Variants in CNP observed in about 807,000 individuals in gnomAD.
The protein encoded by CNP is 2',3'-cyclic-nucleotide 3'-phosphodiesterase.
A neutral mutation model predicts 37.9 loss-of-function variants in CNP; 8 were observed. That is an observed-to-expected ratio of 0.21 (90% confidence interval 0.12 to 0.38). CNP has a LOEUF of 0.38. CNP is among the 10% of genes least tolerant of loss of function. The probability of loss-of-function intolerance (pLI) is 1.00; values close to 1 mark genes in which losing one functional copy is unlikely to be tolerated. For missense variants in CNP, 457 were observed against 551.0 expected, an observed-to-expected ratio of 0.83 and a Z score of 1.71; for synonymous variants, 237 against 238.3, an observed-to-expected ratio of 0.99 and a Z score of 0.05.
intron 1 of CNP, 127 bp downstream of exon 1, chr17:41,967,014 G>A: frequency 8.9e-7 from 1 of 1,128,220 alleles, no homozygotes; most frequent in Non-Finnish European, 1.1e-6. Context: ...AGTTTTCTTG[G>A]TACTCAGGGC....
rs2051056807 is a variant in CNP at position 41,975,081 on chromosome 17, C to T, written c.*1157C>T. Reference sequence around the variant, plus strand: ...GGGCCTTGCTAATCGGGTTGTCACTCAACAAAAGTGCTTTGGATTTAAGTT... The same window carrying T: ...GGGCCTTGCTAATCGGGTTGTCACTTAACAAAAGTGCTTTGGATTTAAGTT... On this transcript the variant is annotated 3_prime_UTR_variant, in exon 4 of 4. Transcript: ENST00000393892. 6.6e-6 allele frequency: 1 copy of T among 152,284 alleles called. No homozygotes were observed. Among genetic ancestry groups the T allele is most frequent in the Non-Finnish European group, 1.5e-5 (1 of 68,096 alleles). The allele number at this position is 152,284 out of a possible 1,614,324, so 9.4% of individuals were successfully genotyped here. A position where few individuals can be genotyped will look rare whatever the true frequency, so the allele number is the denominator to read the frequency against.
At position 41,968,971 on chromosome 17, in the gene CNP, T is replaced by C. The variant is rs76361472; in HGVS notation, c.676+231T>C. On this transcript the variant is annotated intron_variant, in intron 2 of 3. Transcript: ENST00000393892. This position sits in a 1 kb window ranked among gnomAD's most constrained non-coding sequence, Gnocchi z 4.8. ...AGCGCCTTTCCTCCCACCACACCTATCCTTCTAGCCCTCTTCTCTCCGACA... is the reference window on the plus strand; with the variant it reads ...AGCGCCTTTCCTCCCACCACACCTACCCTTCTAGCCCTCTTCTCTCCGACA... Among the ~76,000 whole-genome samples the C allele has an allele frequency of 2.9e-4, 44 of 152,166 alleles. No homozygotes were observed. The East Asian group carries it at 8.5e-3, about 29-fold the overall frequency.
chr17:41,972,607 C>G (rs554023327), intron 3 of CNP, among the ~76,000 whole-genome samples: 2 of 152,306 alleles, frequency 1.3e-5, no homozygotes, highest in South Asian at 2.1e-4. Flanking sequence ...GTGTCCACCC[C>G]CAAGCCCACT....
At position 41,974,004 on chromosome 17, in the gene CNP, A is replaced by ATTTTTT; in HGVS notation, c.*95_*100dup. ...CTCTGTTTGATCCTTGTTTTGTGAC[A>ATTTTTT]TTTTTTTTTTTTTTTTTTTTACTCA... On this transcript the variant is annotated 3_prime_UTR_variant, in exon 4 of 4. Transcript: ENST00000393892. The ATTTTTT allele has an allele frequency of 1.2e-5, 10 of 838,214 alleles. No individual in the cohort carries two copies. The highest frequency in any genetic ancestry group is 1.4e-5 in the Non-Finnish European group (9 of 629,994). 51.9% of individuals were successfully genotyped at this position (838,214 alleles called of 1,614,324 possible). A position where few individuals can be genotyped will look rare whatever the true frequency, so the allele number is the denominator to read the frequency against.
chr17:41,973,013 T>A (rs1343828829), intron 3 of CNP, among the ~76,000 whole-genome samples: 1 of 152,216 alleles, frequency 6.6e-6, no homozygotes, highest in African/African-American at 2.4e-5. Flanking sequence ...CAGGGCGCTG[T>A]CTGGGTCCCA....
chr17:41,968,494 C>T lies in CNP; in HGVS notation c.430C>T (p.Gln144Ter). The T allele has an allele frequency of 6.2e-7, 1 of 1,614,142 alleles. No individual in the cohort carries two copies. The highest frequency in any genetic ancestry group is 1.6e-4 in the Middle Eastern group (1 of 6,062). Reference protein sequence around the residue: ...LFEMADQYQYQVVLVEPKTAW... With the variant: ...LFEMADQYQY Reference sequence around the variant, plus strand: ...TGAAATGGCCGACCAGTACCAGTACCAGGTGGTGCTGGTGGAGCCCAAGAC... The same window carrying T: ...TGAAATGGCCGACCAGTACCAGTACTAGGTGGTGCTGGTGGAGCCCAAGAC... The change falls in exon 2 of 4, where the codon CAG becomes TAG. Residue 144 changes from glutamine to a stop codon, truncating the protein, a stop_gained. Coordinates refer to ENST00000393892, the MANE Select transcript of CNP (RefSeq NM_033133.5). LOFTEE classifies it high-confidence loss of function. The surrounding 1 kb of genome is among the most constrained non-coding windows in gnomAD (Gnocchi z 4.8).
chr17:41,973,355 A>G (rs1285444085), intron 3 of CNP, 120 bp from the exon 4 acceptor site: 13 of 934,710 alleles, frequency 1.4e-5, no homozygotes, highest in Non-Finnish European at 2.1e-5. Context: ...ACCCCTGCTC[A>G]GCTGTGCTCA....
chr17:41,971,908 G>A lies in CNP; in HGVS notation c.693G>A (p.Glu231=). 2 of 1,613,782 alleles carry A rather than the reference G, an allele frequency of 1.2e-6. No homozygotes were observed. The highest frequency in any genetic ancestry group is 8.5e-7 in the Non-Finnish European group (1 of 1,179,910). ...KELRQFVPGD[E]PREKMDLVTY... is the part of the protein sequence containing the mutation. ...TCCCGGCAGTCGTCCCTGGGGATGAGCCCAGGGAGAAGATGGACTTGGTCA... is the reference window on the plus strand; with the variant it reads ...TCCCGGCAGTCGTCCCTGGGGATGAACCCAGGGAGAAGATGGACTTGGTCA... The change falls in exon 3 of 4, where the codon GAG becomes GAA. Residue 231 remains glutamate (E), a synonymous_variant. Transcript: ENST00000393892.
Position 41,973,964 on chromosome 17 carries a change from A to T in CNP, c.*40A>T. 6 of 1,301,914 alleles carry T rather than the reference A, an allele frequency of 4.6e-6. No individual in the cohort carries two copies. Among genetic ancestry groups the T allele is most frequent in the Non-Finnish European group, 6.1e-6 (6 of 984,820 alleles). 80.6% of individuals were successfully genotyped at this position (1,301,914 alleles called of 1,614,324 possible). A position where few individuals can be genotyped will look rare whatever the true frequency, so the allele number is the denominator to read the frequency against. ...ACTTATGCCCCTAGAAGGGAAGGGG[A>T]GAGGGAAACGTGCCCTCTGTTTGAT... On this transcript the variant is annotated 3_prime_UTR_variant, in exon 4 of 4. Transcript: ENST00000393892.
chr17:41,976,733 T>C lies in CNP; in HGVS notation c.*2809T>C, dbSNP rs1555644898. 6.2e-7 allele frequency: 1 copy of C among 1,610,602 alleles called. No homozygotes were observed. The highest frequency in any genetic ancestry group is 1.7e-5 in the Admixed American group (1 of 58,454). The stretch of plus-strand genomic sequence containing the variant: ...CTGGGTTCTGGGTGGTTGCCCTTCA[T>C]TAGCCAAATTGAAAAAAGAAATTCC... On this transcript the variant is annotated 3_prime_UTR_variant, in exon 4 of 4. Coordinates refer to ENST00000393892, the MANE Select transcript of CNP (RefSeq NM_033133.5).
rs1598109714 is a variant in CNP at position 41,976,930 on chromosome 17, G to A, written c.*3006G>A. On this transcript the variant is annotated 3_prime_UTR_variant, in exon 4 of 4. Transcript: ENST00000393892. ...TCAGGCTGTTTTTGGGTGCAAGAGG[G>A]AGCACGTGACTGTATTATACATGGG... 1.2e-6 allele frequency: 1 copy of A among 827,444 alleles called. No homozygotes were observed. The highest frequency in any genetic ancestry group is 1.9e-6 in the Non-Finnish European group (1 of 536,522). The allele number at this position is 827,444 out of a possible 1,614,324, so 51.3% of individuals were successfully genotyped here. A position where few individuals can be genotyped will look rare whatever the true frequency, so the allele number is the denominator to read the frequency against.
chr17:41,968,900 A>T lies in CNP; in HGVS notation c.676+160A>T, dbSNP rs1309034929. 5.9e-5 allele frequency among the ~76,000 whole-genome samples: 9 copies of T among 152,298 alleles called. No homozygotes were observed. Among genetic ancestry groups the T allele is most frequent in the African/African-American group, 1.9e-4 (8 of 41,566 alleles). ...GGGGCAAGCGGTGCGTCCCAGTGGT[A>T]GCCTTGGGGAGTTGGCAGCACATTG... On this transcript the variant is annotated intron_variant, in intron 2 of 3. Transcript: ENST00000393892. This position sits in a 1 kb window ranked among gnomAD's most constrained non-coding sequence, Gnocchi z 4.8.
Position 41,976,653 on chromosome 17 carries a change from G to A in CNP, c.*2729G>A, listed in dbSNP as rs1287206701. On this transcript the variant is annotated 3_prime_UTR_variant, in exon 4 of 4. Transcript: ENST00000393892. Reference sequence around the variant, plus strand: ...TCTAAGCACACGGAGACGTGATGAAGGGAGGAGGTGAACTGTTTCCACATT... The same window carrying A: ...TCTAAGCACACGGAGACGTGATGAAAGGAGGAGGTGAACTGTTTCCACATT... The A allele has an allele frequency of 6.4e-7, 1 of 1,557,278 alleles. No individual in the cohort carries two copies. The highest frequency in any genetic ancestry group is 8.7e-7 in the Non-Finnish European group (1 of 1,144,030).
In CNP at chr17:41,971,941, T is replaced by G. The variant is rs1205015372; in HGVS notation, c.726T>G (p.Phe242Leu). Residue 242 changes from phenylalanine to leucine, a missense_variant, in exon 3 of 4, where the codon TTT becomes TTG. By Grantham distance (22) the Phe-to-Leu change is conservative. Coordinates refer to ENST00000393892, the MANE Select transcript of CNP (RefSeq NM_033133.5). Reference sequence around the variant, plus strand: ...AGAAGATGGACTTGGTCACCTACTTTGGAAAGAGACCCCCAGGCGTGCTGC... The same window carrying G: ...AGAAGATGGACTTGGTCACCTACTTGGGAAAGAGACCCCCAGGCGTGCTGC... ...PREKMDLVTY[F>L]GKRPPGVLHC... 1.2e-6 allele frequency: 2 copies of G among 1,613,664 alleles called. No homozygotes were observed. The highest frequency in any genetic ancestry group is 2.7e-5 in the African/African-American group (2 of 74,766).
At position 41,971,992 on chromosome 17, in the gene CNP, C is replaced by T. The variant is rs782232248; in HGVS notation, c.777C>T (p.Tyr259=). The T allele has an allele frequency of 6.4e-5, 103 of 1,613,550 alleles. No homozygotes were observed. The South Asian group carries it at 9.0e-4, about 14-fold the overall frequency. Residue 259 remains tyrosine, a synonymous_variant, in exon 3 of 4, where the codon TAC becomes TAT. Coordinates refer to ENST00000393892, the MANE Select transcript of CNP (RefSeq NM_033133.5). ...VLHCTTKFCD[Y]GKAPGAEEYA... ...ATTGCACAACCAAGTTTTGTGACTA[C>T]GGGAAGGCTCCCGGGGCAGAGGAGT...
rs1241686504 is a variant in CNP at position 41,974,097 on chromosome 17, T to C, written c.*173T>C. The C allele has an allele frequency of 5.6e-6, 3 of 540,290 alleles. No individual in the cohort carries two copies. The highest frequency in any genetic ancestry group is 8.9e-6 in the Non-Finnish European group (3 of 336,504). The allele number at this position is 540,290 out of a possible 1,614,324, so 33.5% of individuals were successfully genotyped here. On this transcript the variant is annotated 3_prime_UTR_variant, in exon 4 of 4. Transcript: ENST00000393892. Reference sequence around the variant, plus strand: ...TGACCCTCCCTTCCTGTCCGCCCTCTTCCCCTCTAATGCTCACGCTCCCAA... The same window carrying C: ...TGACCCTCCCTTCCTGTCCGCCCTCCTCCCCTCTAATGCTCACGCTCCCAA...
Position 41,973,865 on chromosome 17 carries a change from C to A in CNP, c.1207C>A (p.Pro403Thr). 1.3e-6 allele frequency: 2 copies of A among 1,587,842 alleles called. No homozygotes were observed. The highest frequency in any genetic ancestry group is 1.7e-4 in the Middle Eastern group (1 of 5,948). Residue 403 changes from proline to threonine, a missense_variant, in exon 4 of 4, where the codon CCT becomes ACT. Pro to Thr is a conservative substitution (Grantham distance 38). Around this residue, in one of 2 missense-constraint regions of CNP, gnomAD observed 291 missense variants for 291.7 expected, o/e 1.00. Coordinates refer to ENST00000393892, the MANE Select transcript of CNP (RefSeq NM_033133.5). ...IFTGYYGKGK[P>T]VPTQGSRKGG... Reference sequence around the variant, plus strand: ...CACGGGGTACTACGGGAAAGGCAAACCTGTGCCCACGCAAGGTAGCCGGAA... The same window carrying A: ...CACGGGGTACTACGGGAAAGGCAAAACTGTGCCCACGCAAGGTAGCCGGAA...
At chr17:41,971,849 C>A in intron 2 of CNP, 43 bp from the exon 3 acceptor site, 1 of 1,610,988 alleles carries the variant, frequency 6.2e-7, no homozygotes, top group South Asian at 1.1e-5. Flanking sequence ...TGTTGGTATG[C>A]CCCTGCTCCC....
chr17:41,967,734 C>T (rs2050923246), intron 1 of CNP: 2 of 1,088,138 alleles, frequency 1.8e-6, no homozygotes, highest in Non-Finnish European at 1.1e-6. Context: ...AGACCCCCAC[C>T]TCCAAAGAGG....
Sources: gnomAD v4.1 joint callset for allele counts (sites outside exome capture counted in the v4.1 genomes callset) on GRCh38, gnomAD v4.1.1 for gene constraint, gnomAD v4.1.1 regional missense constraint, Gnocchi (gnomAD v3.1) non-coding constraint, MANE v1.5 for transcripts, NCBI Gene and HGNC (gene_info 2026-07-23, HGNC 2026-07-21) for gene names.